The following DOCK4 variants were observed in gnomAD, a reference collection of about 807,000 sequenced individuals.
The protein encoded by DOCK4 is dedicator of cytokinesis protein 4.
Under a neutral mutation model 268.1 loss-of-function variants are expected in DOCK4, and 97 were observed. The ratio of observed to expected loss-of-function variants is 0.36; its 90% confidence interval spans 0.31 to 0.43. DOCK4 has a LOEUF of 0.43. DOCK4 is among the 20% of genes least tolerant of loss of function. The probability of loss-of-function intolerance (pLI) is 1.00; values close to 1 mark genes in which losing one functional copy is unlikely to be tolerated. For synonymous variants in DOCK4, 954 were observed against 887.2 expected (o/e 1.08, Z -1.34); for missense variants, 2,145 against 2,455.7 (o/e 0.87, Z 2.67).
chr7:112,105,456 C>T (rs1191770863), intron 1 of DOCK4, among the ~76,000 whole-genome samples: 1 of 151,704 alleles, frequency 6.6e-6, no homozygotes, highest in East Asian at 1.9e-4. Context: ...TTTACATCAT[C>T]ATGAGAGTGA....
intron 26 of DOCK4, among the ~76,000 whole-genome samples, chr7:111,828,172 T>C (rs1802544459): frequency 2.0e-5 from 3 of 152,174 alleles, no homozygotes; most frequent in Admixed American, 2.0e-4. Flanking sequence ...TTTACTTTTG[T>C]TCATTTTAAA....
At chr7:111,728,989 G>T (rs1238741084) in intron 52 of DOCK4, among the ~76,000 whole-genome samples, 2 of 152,170 alleles carry the variant, frequency 1.3e-5, no homozygotes, top group African/African-American at 4.8e-5. Context: ...AGGAAGGGCG[G>T]TCTGCAAGCC....
intron 1 of DOCK4, among the ~76,000 whole-genome samples, chr7:112,181,925 G>A (rs1485822402): frequency 6.6e-6 from 1 of 152,188 alleles, no homozygotes; most frequent in East Asian, 1.9e-4. Flanking sequence ...CCTCTAGGGT[G>A]AGAACTCCAG....
intron 8 of DOCK4, among the ~76,000 whole-genome samples, chr7:111,960,921 T>C (rs1213054909): frequency 6.6e-6 from 1 of 152,218 alleles, no homozygotes; most frequent in African/African-American, 2.4e-5. Context: ...TCTTTATCCA[T>C]TCATCTGTTG....
At chr7:112,061,511 T>C (rs1287363695) in intron 1 of DOCK4, among the ~76,000 whole-genome samples, 3 of 152,194 alleles carry the variant, frequency 2.0e-5, no homozygotes, top group African/African-American at 7.2e-5. Context: ...CTGCTACACA[T>C]GTCTTTCTGT....
At chr7:111,917,739 A>G (rs183797395) in intron 12 of DOCK4, among the ~76,000 whole-genome samples, 1 of 152,208 alleles carries the variant, frequency 6.6e-6, no homozygotes, top group Admixed American at 6.5e-5. Flanking sequence ...TGCTTAGTAC[A>G]GTCAAGAAGA....
At chr7:111,865,080 C>T (rs1805861293) in intron 22 of DOCK4, among the ~76,000 whole-genome samples, 1 of 152,182 alleles carries the variant, frequency 6.6e-6, no homozygotes, top group South Asian at 2.1e-4. Flanking sequence ...TTAGTTTTGA[C>T]CTTCCTAGTA....
Position 111,936,535 on chromosome 7 carries a change from T to C in DOCK4, c.978-907A>G, listed in dbSNP as rs554674609. Among the ~76,000 whole-genome samples the C allele has an allele frequency of 1.3e-3, 191 of 151,864 alleles. 2 individuals carry two copies. The highest frequency in any genetic ancestry group is 1.4e-3 in the East Asian group (7 of 5,120). On this transcript the variant is annotated intron_variant, in intron 11 of 52. Coordinates refer to ENST00000428084, the MANE Select transcript of DOCK4 (RefSeq NM_001363540.2). Reference sequence around the variant, plus strand: ...ATGGATGGATGGATGGATGGACGGATGGATGGATGTCCCTCTGCCTGGTAA... The same window carrying C: ...ATGGATGGATGGATGGATGGACGGACGGATGGATGTCCCTCTGCCTGGTAA...
intron 26 of DOCK4, among the ~76,000 whole-genome samples, chr7:111,826,987 A>C (rs1319144774): frequency 6.6e-6 from 1 of 152,208 alleles, no homozygotes; most frequent in Non-Finnish European, 1.5e-5. Context: ...GAGTTCATGA[A>C]ACATGAGTTA....
At chr7:111,944,327 A>AT (rs1033374052) in intron 10 of DOCK4, among the ~76,000 whole-genome samples, 1 of 152,114 alleles carries the variant, frequency 6.6e-6, no homozygotes, top group Non-Finnish European at 1.5e-5. Context: ...ATGACATTAT[A>AT]TAAGTTAAAA....
chr7:111,818,596 A>G (rs907426851), intron 27 of DOCK4, among the ~76,000 whole-genome samples: 1 of 152,198 alleles, frequency 6.6e-6, no homozygotes, highest in Admixed American at 6.5e-5. Flanking sequence ...CCAAGTCATC[A>G]TCAACATCTC....
intron 52 of DOCK4, 119 bp from the exon 53 acceptor site, chr7:111,728,839 A>T: frequency 1.1e-6 from 1 of 928,462 alleles, no homozygotes; most frequent in Non-Finnish European, 1.6e-6. Flanking sequence ...AGCCGGCTGC[A>T]GCAGGAGATG....
chr7:112,103,472 G>C (rs892766838), intron 1 of DOCK4, among the ~76,000 whole-genome samples: 4 of 152,146 alleles, frequency 2.6e-5, no homozygotes, highest in African/African-American at 9.7e-5. Context: ...TCAGGAAGCA[G>C]CTTTATTTAC....
chr7:111,759,063 C>T (rs1476467247), intron 40 of DOCK4, among the ~76,000 whole-genome samples: 1 of 151,934 alleles, frequency 6.6e-6, no homozygotes, highest in African/African-American at 2.4e-5. Context: ...ATTTAGATAT[C>T]ACTAACTTGT....
intron 32 of DOCK4, 143 bp downstream of exon 32, chr7:111,788,519 T>C (rs939008544): frequency 1.5e-6 from 1 of 659,864 alleles, no homozygotes; most frequent in African/African-American, 1.8e-5. Context: ...CAATTATCCT[T>C]TATTTCACAC....
chr7:111,833,025 C>T (rs573211465), intron 26 of DOCK4, among the ~76,000 whole-genome samples: 3 of 152,252 alleles, frequency 2.0e-5, no homozygotes, highest in Admixed American at 2.0e-4. Flanking sequence ...TTTTTTAATT[C>T]CCAGGCTCCA....
intron 8 of DOCK4, among the ~76,000 whole-genome samples, chr7:111,949,962 T>C (rs1302235036): frequency 6.6e-6 from 1 of 152,256 alleles, no homozygotes; most frequent in Non-Finnish European, 1.5e-5. Flanking sequence ...AGTCTCGTTC[T>C]ATCACCCAGG....
chr7:111,790,643 A>G (rs1799464435), intron 30 of DOCK4, 38 bp from the exon 31 acceptor site: 1 of 1,523,760 alleles, frequency 6.6e-7, no homozygotes, highest in Non-Finnish European at 8.8e-7. Flanking sequence ...AATATATTCA[A>G]TCTTAATATG....
intron 1 of DOCK4, among the ~76,000 whole-genome samples, chr7:112,053,629 A>T (rs1199060829): frequency 6.6e-6 from 1 of 152,190 alleles, no homozygotes; most frequent in Non-Finnish European, 1.5e-5. Flanking sequence ...TCAACTTATA[A>T]AACATGAGGC....
Sources: allele counts gnomAD v4.1 joint callset (sites outside exome capture counted in the v4.1 genomes callset), GRCh38; gene constraint gnomAD v4.1.1; transcripts MANE v1.5; gene names NCBI Gene and HGNC (gene_info 2026-07-23, HGNC 2026-07-21).